The following PCDH15 variants were observed in gnomAD, a reference collection of about 807,000 sequenced individuals.
The protein encoded by PCDH15 is protocadherin related 15, also known as protocadherin-15.
In PCDH15, 129 loss-of-function variants were observed where a neutral mutation model predicts 178.5. The ratio of observed to expected loss-of-function variants is 0.72; its 90% CI spans 0.63 to 0.84. PCDH15 has a LOEUF of 0.84. PCDH15 is among the 40% of genes least tolerant of loss of function. The pLI is 0.00. For missense variants in PCDH15, 2,230 were observed against 2,099.9 expected (o/e 1.06, Z -1.21); for synonymous variants, 800 against 732.0 (o/e 1.09, Z -1.50).
At chr10:54,280,136 A>AT (rs1246973063) in intron 8 of PCDH15, among the ~76,000 whole-genome samples, 2 of 151,778 alleles carry the variant, frequency 1.3e-5, no homozygotes, top group Non-Finnish European at 3.0e-5. Flanking sequence ...TTAAAATAAT[A>AT]AAATCAATGT....
At chr10:53,995,463 T>A in intron 21 of PCDH15, 186 bp downstream of exon 21, 8 of 1,029,168 alleles carry the variant, frequency 7.8e-6, no homozygotes. Context: ...TTGTCTAGGT[T>A]CAATAATAGT....
At chr10:54,526,485 T>C (rs923813372) in intron 3 of PCDH15, among the ~76,000 whole-genome samples, 1 of 152,216 alleles carries the variant, frequency 6.6e-6, no homozygotes, top group African/African-American at 2.4e-5. Context: ...AAGGAAGCCA[T>C]AATTCATCAC....
intron 2 of PCDH15, among the ~76,000 whole-genome samples, chr10:55,050,153 G>T (rs1841121910): frequency 6.6e-6 from 1 of 151,952 alleles, no homozygotes. Context: ...TCCAATGCAT[G>T]GATGTATTGT....
intron 2 of PCDH15, among the ~76,000 whole-genome samples, chr10:55,328,111 T>G (rs556973086): frequency 9.2e-5 from 14 of 152,008 alleles, no homozygotes; most frequent in African/African-American, 2.9e-4. Flanking sequence ...GATATAACCA[T>G]CTTTCCCTTA....
intron 5 of PCDH15, among the ~76,000 whole-genome samples, chr10:54,364,310 T>G (rs1415037364): frequency 6.6e-6 from 1 of 152,110 alleles, no homozygotes; most frequent in Non-Finnish European, 1.5e-5. Context: ...TAGTTCTATA[T>G]ATAATAATGC....
chr10:54,886,413 A>G (rs564039120), intron 3 of PCDH15, among the ~76,000 whole-genome samples: 1 of 152,224 alleles, frequency 6.6e-6, no homozygotes, highest in Non-Finnish European at 1.5e-5. Flanking sequence ...TTTGCACCAG[A>G]AAACACACCT....
intron 3 of PCDH15, among the ~76,000 whole-genome samples, chr10:54,491,014 A>G (rs1160514360): frequency 6.6e-6 from 1 of 152,186 alleles, no homozygotes; most frequent in Admixed American, 6.6e-5. Flanking sequence ...TAGTGACAGC[A>G]GTATGGTCTG....
intron 1 of PCDH15, among the ~76,000 whole-genome samples, chr10:55,215,962 A>G (rs1037192538): frequency 6.6e-6 from 1 of 151,964 alleles, no homozygotes; most frequent in Non-Finnish European, 1.5e-5. Flanking sequence ...AAGCATTAAG[A>G]AGAGATATTA....
rs1260841226 is a variant in PCDH15, at chr10:54,247,881, A to AAAATATAT, written c.877-10951_877-10950insATATATTT. On this transcript the variant is annotated intron_variant, in intron 8 of 37. Transcript: ENST00000644397. Reference sequence around the variant, plus strand: ...AGACTCTTTCTCAAAAAAAAAAAGAAATATGTATATATATATATCTACATT... The same window carrying AAAATATAT: ...AGACTCTTTCTCAAAAAAAAAAAGAAAAATATATATATGTATATATATATATCTACATT... 1.3e-3 allele frequency among the ~76,000 whole-genome samples: 187 copies of AAAATATAT among 148,542 alleles called. 1 individual carries two copies. The highest frequency in any genetic ancestry group is 1.1e-3 in the Admixed American group (17 of 14,800).
intron 2 of PCDH15, among the ~76,000 whole-genome samples, chr10:54,989,129 T>C (rs1338680085): frequency 6.6e-6 from 1 of 152,076 alleles, no homozygotes; most frequent in Non-Finnish European, 1.5e-5. Context: ...TGCCTTCAAG[T>C]GCGTAGAATT....
At chr10:54,071,110 C>G (rs962287988) in intron 17 of PCDH15, among the ~76,000 whole-genome samples, 5 of 152,076 alleles carry the variant, frequency 3.3e-5, no homozygotes, top group Admixed American at 6.6e-5. Flanking sequence ...TTTTCTAAGT[C>G]ACTTTATCTC....
rs1043405475 is a variant in PCDH15 at position 55,599,878 on chromosome 10, C to T, written c.-156+27747G>A. 2.1e-5 allele frequency: 31 copies of T among 1,465,738 alleles called. No homozygotes were observed. In the African/African-American group the frequency reaches 3.7e-4, roughly 17 times the overall value. The allele number at this position is 1,465,738 out of a possible 1,614,324, so 90.8% of individuals were successfully genotyped here. On this transcript the variant is annotated intron_variant, in intron 2 of 5. Coordinates refer to the PCDH15 transcript ENST00000613346. ...TGCAAAGGTAGCATAATCACTTGTT[C>T]CCTAAGTAGGGACTTGTATGAATGG... is the stretch of plus-strand genomic sequence containing the variant.
At chr10:55,136,026 A>G (rs1465639451) in intron 2 of PCDH15, among the ~76,000 whole-genome samples, 3 of 152,220 alleles carry the variant, frequency 2.0e-5, no homozygotes, top group Non-Finnish European at 4.4e-5. Context: ...ATAATGAAGT[A>G]CAACAAGTGG....
chr10:55,046,233 C>A (rs1303190215), intron 2 of PCDH15, among the ~76,000 whole-genome samples: 3 of 151,856 alleles, frequency 2.0e-5, no homozygotes, highest in Non-Finnish European at 4.4e-5. Flanking sequence ...GAAGGAAATA[C>A]CTGCTTGTGA....
chr10:54,562,897 G>A (rs1173821921), intron 2 of PCDH15, among the ~76,000 whole-genome samples: 2 of 152,036 alleles, frequency 1.3e-5, no homozygotes, highest in Non-Finnish European at 2.9e-5. Context: ...ATTTGAACTT[G>A]TCTACATGAA....
intron 1 of PCDH15, among the ~76,000 whole-genome samples, chr10:54,737,462 T>A (rs1389318705): frequency 6.6e-6 from 1 of 152,140 alleles, no homozygotes; most frequent in Non-Finnish European, 1.5e-5. Context: ...AGGTGAGCAA[T>A]CCTGCTTACA....
At chr10:54,570,596 G>T (rs1298351534) in intron 2 of PCDH15, among the ~76,000 whole-genome samples, 1 of 151,614 alleles carries the variant, frequency 6.6e-6, no homozygotes, top group African/African-American at 2.4e-5. Flanking sequence ...CTATTATTAA[G>T]TTGTGTTGGC....
chr10:55,146,056 C>G (rs1838501139), intron 2 of PCDH15, among the ~76,000 whole-genome samples: 2 of 151,796 alleles, frequency 1.3e-5, no homozygotes, highest in African/African-American at 4.8e-5. Context: ...TCTGTATAAT[C>G]AGCTGATAGA....
rs138002706 is a variant in PCDH15 at position 55,273,496 on chromosome 10, G to A, written c.-156+46103C>T. Among the ~76,000 whole-genome samples, 85 of 152,168 alleles carry A rather than the reference G, an allele frequency of 5.6e-4. 2 individuals are homozygous for A. The highest frequency in any genetic ancestry group is 2.0e-3 in the African/African-American group (83 of 41,492). ...CTATTATAACTGGTAGAATGATGAC[G>A]AATTCCACAAACTAGAAGGGTGTAT... is the stretch of plus-strand genomic sequence containing the variant. On this transcript the variant is annotated intron_variant, in intron 1 of 5. Coordinates refer to the PCDH15 transcript ENST00000458638.
Sources: gnomAD v4.1 joint callset for allele counts (sites outside exome capture counted in the v4.1 genomes callset) on GRCh38, gnomAD v4.1.1 for gene constraint, MANE v1.5 for transcripts, NCBI Gene and HGNC (gene_info 2026-07-23, HGNC 2026-07-21) for gene names.